TMTC4: variants seen among roughly 807,000 people sequenced by gnomAD.
TMTC4 encodes transmembrane O-mannosyltransferase targeting cadherins 4, also known as protein O-mannosyl-transferase TMTC4.
In TMTC4, 65 loss-of-function variants were observed where a neutral mutation model predicts 86.0. The observed-to-expected ratio is 0.76, with a 90% confidence interval of 0.62 to 0.93. TMTC4 has a LOEUF of 0.93. Among genes scored for constraint, TMTC4 ranks in the 40% least tolerant of loss-of-function variants. TMTC4 has a pLI of 0.00. For missense variants in TMTC4, 866 were observed against 948.1 expected, an observed-to-expected ratio of 0.91 and a Z score of 1.14; for synonymous variants, 379 against 382.5, an observed-to-expected ratio of 0.99 and a Z score of 0.11.
chr13:100,633,474 T>C (rs1881739242), intron 12 of TMTC4, among the ~76,000 whole-genome samples: 2 of 152,150 alleles, frequency 1.3e-5, no homozygotes, highest in African/African-American at 4.8e-5. Context: ...TTTTAAAAAG[T>C]GTAGTTTTGC....
In TMTC4 at chr13:100,637,570, G is replaced by C. The variant is rs1252776915; in HGVS notation, c.967C>G (p.Pro323Ala). Reference sequence around the variant, plus strand: ...AGCATGCTGTCAGCAAAGGAGGCCGGGTTGTCCACCTCGGTGAAGGCCGGC... The same window carrying C: ...AGCATGCTGTCAGCAAAGGAGGCCGCGTTGTCCACCTCGGTGAAGGCCGGC... ...GPPAFTEVDN[P>A]ASFADSMLVR... Residue 323 changes from proline to alanine, a missense_variant, in exon 9 of 19, where the codon CCG (proline) becomes GCG (alanine). Pro to Ala is a conservative substitution (Grantham distance 27). Coordinates refer to ENST00000342624, the MANE Select transcript of TMTC4 (RefSeq NM_032813.5). 6.2e-7 allele frequency: 1 copy of C among 1,614,020 alleles called. No individual in the cohort carries two copies. Among genetic ancestry groups the C allele is most frequent in the South Asian group, 1.1e-5 (1 of 91,078 alleles).
intron 16 of TMTC4, among the ~76,000 whole-genome samples, chr13:100,613,114 C>T (rs1877902811): frequency 6.6e-6 from 1 of 152,190 alleles, no homozygotes; most frequent in East Asian, 1.9e-4. Flanking sequence ...GAACATTTCA[C>T]ATCTTCTAGT....
At chr13:100,641,408 GAAGA>G (rs2138906941) in intron 7 of TMTC4, among the ~76,000 whole-genome samples, 1 of 152,306 alleles carries the variant, frequency 6.6e-6, no homozygotes, top group African/African-American at 2.4e-5. Flanking sequence ...GGAATGACGA[GAAGA>G]GAGACAGAAT....
At chr13:100,630,055 GTGTGTGTGTGTA>G (rs1881139336) in intron 12 of TMTC4, among the ~76,000 whole-genome samples, 32 of 150,108 alleles carry the variant, frequency 2.1e-4, no homozygotes, top group African/African-American at 6.9e-4. Flanking sequence ...GTGTGTGTGT[GTGTGTGTGTGTA>G]TGTGTGTGTG....
chr13:100,632,053 A>ACACACTCTCTCTCTCT (rs1296569630), intron 12 of TMTC4, among the ~76,000 whole-genome samples: 706 of 42,742 alleles, frequency 0.017, 2 homozygotes, highest in Middle Eastern at 0.032. Context: ...ACACACACAC[A>ACACACTCTCTCTCTCT]CTCTCTCTCT....
chr13:100,650,528 ATGT>A (rs1300765967), intron 6 of TMTC4, among the ~76,000 whole-genome samples: 1 of 152,246 alleles, frequency 6.6e-6, no homozygotes, highest in Non-Finnish European at 1.5e-5. Context: ...CTGGCACGTC[ATGT>A]TGTGTGTGGG....
At chr13:100,653,318 C>T (rs149856780) in intron 6 of TMTC4, among the ~76,000 whole-genome samples, 4 of 152,322 alleles carry the variant, frequency 2.6e-5, no homozygotes, top group Non-Finnish European at 4.4e-5. Context: ...CAGCAGACTT[C>T]ACTAGCCCCG....
At chr13:100,615,714 C>G (rs1878374267) in intron 15 of TMTC4, among the ~76,000 whole-genome samples, 1 of 149,178 alleles carries the variant, frequency 6.7e-6, no homozygotes, top group African/African-American at 2.5e-5. Context: ...TGGCATCCCA[C>G]AGTGCTGGGA....
At chr13:100,609,192 C>T (rs996570656) in intron 17 of TMTC4, among the ~76,000 whole-genome samples, 2 of 152,190 alleles carry the variant, frequency 1.3e-5, no homozygotes, top group African/African-American at 4.8e-5. Flanking sequence ...CTCTAACATA[C>T]CGGCCAATCT....
intron 15 of TMTC4, among the ~76,000 whole-genome samples, chr13:100,622,310 T>C (rs1221203836): frequency 2.6e-5 from 4 of 152,170 alleles, no homozygotes; most frequent in Non-Finnish European, 5.9e-5. Flanking sequence ...AGTCAGCACA[T>C]AGAGGTGGTA....
chr13:100,646,552 A>C (rs1228173119), intron 6 of TMTC4, among the ~76,000 whole-genome samples: 1 of 152,204 alleles, frequency 6.6e-6, no homozygotes, highest in Non-Finnish European at 1.5e-5. Context: ...CCGTTTCATT[A>C]AACTCTGGGT....
At chr13:100,629,602 T>G (rs1881048413) in intron 12 of TMTC4, among the ~76,000 whole-genome samples, 1 of 152,214 alleles carries the variant, frequency 6.6e-6, no homozygotes, top group African/African-American at 2.4e-5. Context: ...CTCGAGGCAC[T>G]TTCTAGATCC....
rs762103404 is a variant in TMTC4 at position 100,612,435 on chromosome 13, G to A, written c.2027C>T (p.Ser676Leu). The A allele has an allele frequency of 4.3e-6, 7 of 1,610,244 alleles. No individual in the cohort carries two copies. In the South Asian group the frequency reaches 4.4e-5, roughly 10 times the overall value. The change falls in exon 17 of 19, where the codon TCG becomes TTG. Residue 676 changes from serine to leucine, a missense_variant. Transcript: ENST00000342624. ...GGATTTCCCCAGCACGTTTGCCAAC[G>A]AGAACATGAGAGAGTGATCATTAGG... ...LIPNDHSLMF[S>L]LANVLGKSQK...
chr13:100,670,679 T>G (rs760846607), intron 1 of TMTC4, 110 bp from the exon 2 acceptor site: 34 of 311,696 alleles, frequency 1.1e-4, no homozygotes, highest in Non-Finnish European at 1.7e-4. Context: ...CTGGTTGCAA[T>G]GGCTCACGCC....
intron 15 of TMTC4, among the ~76,000 whole-genome samples, chr13:100,622,711 T>C (rs567028867): frequency 4.1e-4 from 62 of 152,346 alleles, no homozygotes; most frequent in African/African-American, 1.4e-3. Context: ...GTCAGGTATA[T>C]CTTTATCAGC....
chr13:100,637,695 C>A lies in TMTC4; in HGVS notation c.842G>T (p.Gly281Val). ...GAGGAGGCCCCCGTTCCTGAGCATG[C>A]CGAGATTCTGCAAGGACATCGCAAA... is the stretch of plus-strand genomic sequence containing the variant. ...LHKDKSLENL[G>V]MLRNGGLLFR... Residue 281 changes from glycine to valine, a missense_variant, in exon 9 of 19, where the codon GGC (glycine) becomes GTC (valine). Physicochemically the swap from Gly to Val is moderately radical, Grantham distance 109. Transcript: ENST00000342624. 2.5e-6 allele frequency: 4 copies of A among 1,613,732 alleles called. No individual in the cohort carries two copies. The South Asian group carries it at 4.4e-5, about 18-fold the overall frequency.
intron 9 of TMTC4, among the ~76,000 whole-genome samples, chr13:100,636,973 G>A (rs1237598374): frequency 6.6e-6 from 1 of 152,074 alleles, no homozygotes; most frequent in Admixed American, 6.6e-5. Context: ...CAATACATTC[G>A]TTATATTTCT....
At chr13:100,658,290 G>A (rs1765732) in intron 5 of TMTC4, among the ~76,000 whole-genome samples, 107,300 of 151,830 alleles carry the variant, frequency 0.71, 39,001 homozygotes, top group East Asian at 0.96. Context: ...GCAAAGGACA[G>A]AGGACGCAGA....
In TMTC4 at chr13:100,605,116, G is replaced by A. The variant is rs1876372675; in HGVS notation, c.2161C>T (p.Leu721=). Residue 721 remains leucine (L), a synonymous_variant, in exon 19 of 19, where the codon CTA becomes TTA. Transcript: ENST00000342624. The surrounding 1 kb of genome is among the most constrained non-coding windows in gnomAD (Gnocchi z 4.3). ...TCATAGTGTTTCTTGGCCAAGTCTA[G>A]ATGTCCCCAACGATGATAAAGCACA... ...LAVLYHRWGH[L]DLAKKHYEIS... The A allele has an allele frequency of 1.9e-6, 3 of 1,612,612 alleles. No homozygotes were observed. The South Asian group carries it at 3.3e-5, about 18-fold the overall frequency.
Sources: gnomAD v4.1 joint callset for allele counts (sites outside exome capture counted in the v4.1 genomes callset) on GRCh38, gnomAD v4.1.1 for gene constraint, Gnocchi (gnomAD v3.1) non-coding constraint, MANE v1.5 for transcripts, NCBI Gene and HGNC (gene_info 2026-07-23, HGNC 2026-07-21) for gene names.